The following THSD4 variants were observed in gnomAD, a reference collection of about 807,000 sequenced individuals.
THSD4 encodes the protein thrombospondin type 1 domain containing 4, also known as thrombospondin type-1 domain-containing protein 4.
THSD4 carries 69 observed loss-of-function variants against 119.0 expected under a neutral mutation model. The ratio of observed to expected loss-of-function variants is 0.58; its 90% confidence interval spans 0.48 to 0.71. The LOEUF (loss-of-function observed/expected upper bound fraction) is 0.71. THSD4 is among the 30% of genes least tolerant of loss of function. THSD4 has a pLI of 0.00. For synonymous variants in THSD4, 524 were observed against 540.4 expected, an observed-to-expected ratio of 0.97 and a Z score of 0.42; for missense variants, 1,393 against 1,391.1, an observed-to-expected ratio of 1.00 and a Z score of -0.02.
intron 6 of THSD4, among the ~76,000 whole-genome samples, chr15:71,310,498 C>T (rs887256511): frequency 1.3e-5 from 2 of 152,076 alleles, no homozygotes; most frequent in Admixed American, 1.3e-4. Context: ...GTATGGACAG[C>T]CATGTAGAAA....
chr15:71,573,921 T>A (rs746588264), intron 7 of THSD4, among the ~76,000 whole-genome samples: 14 of 152,244 alleles, frequency 9.2e-5, no homozygotes, highest in Non-Finnish European at 1.9e-4. Context: ...TTCTAATGAA[T>A]GTCTGTTGAA....
At chr15:71,169,589 C>A (rs186396113) in intron 3 of THSD4, among the ~76,000 whole-genome samples, 1 of 152,176 alleles carries the variant, frequency 6.6e-6, no homozygotes, top group Non-Finnish European at 1.5e-5. Flanking sequence ...CACCAAACAA[C>A]AATAAGGAAA....
intron 7 of THSD4, among the ~76,000 whole-genome samples, chr15:71,444,381 C>T (rs1245154168): frequency 2.0e-5 from 3 of 152,124 alleles, no homozygotes; most frequent in African/African-American, 4.8e-5. Flanking sequence ...AGACTGATGC[C>T]GTCTCTTCTA....
intron 7 of THSD4, among the ~76,000 whole-genome samples, chr15:71,604,416 G>C (rs949448039): frequency 6.6e-6 from 1 of 152,100 alleles, no homozygotes; most frequent in Non-Finnish European, 1.5e-5. Flanking sequence ...TTCCACAATG[G>C]TTACTTTACC....
intron 7 of THSD4, among the ~76,000 whole-genome samples, chr15:71,465,060 T>G (rs1268014470): frequency 6.6e-6 from 1 of 152,108 alleles, no homozygotes; most frequent in Non-Finnish European, 1.5e-5. Context: ...GGTGAGCGAG[T>G]GACTCAAGGT....
chr15:71,119,556 C>A (rs2040391556), intron 1 of THSD4, among the ~76,000 whole-genome samples: 1 of 152,116 alleles, frequency 6.6e-6, no homozygotes, highest in South Asian at 2.1e-4. Context: ...CTCTTTTGGC[C>A]CGAGGGGTCT....
intron 6 of THSD4, chr15:71,341,214 T>G (rs1169320505): frequency 2.3e-5 from 36 of 1,579,830 alleles, no homozygotes; most frequent in Non-Finnish European, 2.8e-5. Flanking sequence ...ATCTTTTTCT[T>G]CTGGGCAACC....
intron 7 of THSD4, among the ~76,000 whole-genome samples, chr15:71,463,337 C>T (rs1008589302): frequency 6.6e-5 from 10 of 152,192 alleles, no homozygotes; most frequent in African/African-American, 2.2e-4. Context: ...GGACCCGTGA[C>T]AGAGCCATTT....
chr15:71,203,863 C>T (rs572865455), intron 3 of THSD4, among the ~76,000 whole-genome samples: 7 of 152,260 alleles, frequency 4.6e-5, no homozygotes, highest in East Asian at 3.9e-4. Context: ...CTTTGTTAAG[C>T]GGCATGCTGA....
chr15:71,317,791 A>G (rs116628785), intron 6 of THSD4, among the ~76,000 whole-genome samples: 193 of 152,350 alleles, frequency 1.3e-3, no homozygotes, highest in African/African-American at 4.4e-3. Flanking sequence ...GACATTTGAC[A>G]AATTACTCAG....
At chr15:71,380,670 G>A (rs2046217078) in intron 6 of THSD4, among the ~76,000 whole-genome samples, 1 of 151,984 alleles carries the variant, frequency 6.6e-6, no homozygotes, top group Non-Finnish European at 1.5e-5. Context: ...TGGTTTTGAT[G>A]GCAATCAAGG....
intron 7 of THSD4, among the ~76,000 whole-genome samples, chr15:71,583,246 T>C (rs1033502793): frequency 1.3e-5 from 2 of 152,152 alleles, no homozygotes; most frequent in African/African-American, 4.8e-5. Flanking sequence ...TTTGTTTCTG[T>C]CATATCAGTT....
chr15:71,421,651 T>C (rs929982235), intron 7 of THSD4, among the ~76,000 whole-genome samples: 6 of 152,214 alleles, frequency 3.9e-5, no homozygotes, highest in Admixed American at 3.9e-4. Flanking sequence ...ATTAGTGTCA[T>C]TTGGGTTATA....
At chr15:71,253,132 G>A (rs1225879607) in intron 5 of THSD4, among the ~76,000 whole-genome samples, 3 of 152,218 alleles carry the variant, frequency 2.0e-5, no homozygotes, top group African/African-American at 7.2e-5. Flanking sequence ...CCTGGCAACT[G>A]CAGGTGGATC....
chr15:71,375,597 C>T (rs904739689), intron 6 of THSD4, among the ~76,000 whole-genome samples: 1 of 152,096 alleles, frequency 6.6e-6, no homozygotes, highest in Non-Finnish European at 1.5e-5. Context: ...TTGATGATGT[C>T]CTCTGTGAGT....
intron 3 of THSD4, among the ~76,000 whole-genome samples, chr15:71,191,890 T>G (rs1253674813): frequency 1.5e-5 from 1 of 67,974 alleles, no homozygotes; most frequent in African/African-American, 2.9e-5. Flanking sequence ...ATGCTTTGCC[T>G]TCTTCTTCTT....
At position 71,447,894 on chromosome 15, in the gene THSD4, C is replaced by T. The variant is rs1177003831; in HGVS notation, c.1152+36071C>T. On this transcript the variant is annotated intron_variant, in intron 7 of 17. Transcript: ENST00000261862. ...GCATGTTCTCATGAACACATCCTGGCTCTTCCACCTCCTGAGTCCATGTTC... is the reference window on the plus strand; with the variant it reads ...GCATGTTCTCATGAACACATCCTGGTTCTTCCACCTCCTGAGTCCATGTTC... 3.9e-5 allele frequency among the ~76,000 whole-genome samples: 6 copies of T among 152,134 alleles called. No homozygotes were observed. In the South Asian group the frequency reaches 8.3e-4, roughly 21 times the overall value.
intron 8 of THSD4, among the ~76,000 whole-genome samples, chr15:71,669,096 A>G (rs2051471777): frequency 6.6e-6 from 1 of 152,238 alleles, no homozygotes; most frequent in South Asian, 2.1e-4. Flanking sequence ...TTCTCTCCAA[A>G]GTCGTGCCAA....
chr15:71,099,095 G>A (rs2040243539), intron 1 of THSD4, among the ~76,000 whole-genome samples: 1 of 152,212 alleles, frequency 6.6e-6, no homozygotes, highest in African/African-American at 2.4e-5. Flanking sequence ...ATGGGTTAGA[G>A]GGTGAAGTAA....
Sources: allele counts gnomAD v4.1 joint callset (sites outside exome capture counted in the v4.1 genomes callset), GRCh38; gene constraint gnomAD v4.1.1; transcripts MANE v1.5; gene names NCBI Gene and HGNC (gene_info 2026-07-23, HGNC 2026-07-21).